LIMD2: variants seen among roughly 807,000 people sequenced by gnomAD.
The protein encoded by LIMD2 is LIM domain containing 2.
Under a neutral mutation model 16.0 loss-of-function variants are expected in LIMD2, and 11 were observed. That is an observed-to-expected ratio of 0.69 (90% CI 0.43 to 1.14). The LOEUF is 1.14. Among genes scored for constraint, LIMD2 ranks in the 50% most tolerant of loss-of-function variants. The pLI is 0.00. For synonymous variants in LIMD2, 60 were observed against 67.1 expected, an observed-to-expected ratio of 0.89 and a Z score of 0.52; for missense variants, 168 against 165.8, an observed-to-expected ratio of 1.01 and a Z score of -0.07.
At position 63,699,837 on chromosome 17, in the gene LIMD2, G is replaced by A. The variant is rs916461861; in HGVS notation, c.-51+195C>T. The A allele has an allele frequency of 2.0e-5, 20 of 976,900 alleles. No individual in the cohort carries two copies. The African/African-American group carries it at 3.6e-4, about 18-fold the overall frequency. 60.5% of individuals were successfully genotyped at this position (976,900 alleles called of 1,614,324 possible). ...CGAGGACCGGACCCCAGACCCCGACGCCGCGAGCCCCGCCAGCGGGTCTCG... is the reference window on the plus strand; with the variant it reads ...CGAGGACCGGACCCCAGACCCCGACACCGCGAGCCCCGCCAGCGGGTCTCG... On this transcript the variant is annotated intron_variant, in intron 1 of 4. Transcript: ENST00000259006.
Position 63,699,333 on chromosome 17 carries a change from C to A in LIMD2, c.-35G>T. 6.3e-7 allele frequency: 1 copy of A among 1,589,370 alleles called. No homozygotes were observed. Among genetic ancestry groups the A allele is most frequent in the South Asian group, 1.1e-5 (1 of 87,928 alleles). ...GAGGTGGAAGCCTCGGGTGGAGAAGCGGCACCCGCTGGGTTCTGCAAGGGG... is the reference window on the plus strand; with the variant it reads ...GAGGTGGAAGCCTCGGGTGGAGAAGAGGCACCCGCTGGGTTCTGCAAGGGG... On this transcript the variant is annotated 5_prime_UTR_variant, in exon 2 of 5. Transcript: ENST00000259006.
At chr17:63,699,512 A>T in intron 1 of LIMD2, 164 bp from the exon 2 acceptor site, 1 of 595,764 alleles carries the variant, frequency 1.7e-6, no homozygotes, top group East Asian at 3.4e-5. Context: ...CACCTCCCCC[A>T]CCCCTGCTCC....
rs1191957603 is a variant in LIMD2 at position 63,700,098 on chromosome 17, G to C, written c.-117C>G. 1.0e-6 allele frequency: 1 copy of C among 984,690 alleles called. No individual in the cohort carries two copies. Among genetic ancestry groups the C allele is most frequent in the East Asian group, 1.1e-4 (1 of 8,714 alleles). 61.0% of individuals were successfully genotyped at this position (984,690 alleles called of 1,614,324 possible). A position where few individuals can be genotyped will look rare whatever the true frequency, so the allele number is the denominator to read the frequency against. On this transcript the variant is annotated 5_prime_UTR_variant, in exon 1 of 5. Transcript: ENST00000259006. This position sits in a 1 kb window ranked among gnomAD's most constrained non-coding sequence, Gnocchi z 7.1. The stretch of plus-strand genomic sequence containing the variant: ...GCGCACGGGTACGAGGAGGGCGCGG[G>C]CGCGAGCTGCTGCCGCTACCAGTGG...
In LIMD2 at chr17:63,700,122, G is replaced by T. The variant is rs944406977; in HGVS notation, c.-141C>A. ...GGCGCGAGCTGCTGCCGCTACCAGT[G>T]GTCCCCGAGCCACCGCCGCCGCCAC... On this transcript the variant is annotated 5_prime_UTR_variant, in exon 1 of 5. Transcript: ENST00000259006. The surrounding 1 kb of genome is among the most constrained non-coding windows in gnomAD (Gnocchi z 7.1). 2 of 984,742 alleles carry T rather than the reference G, an allele frequency of 2.0e-6. No individual in the cohort carries two copies. The highest frequency in any genetic ancestry group is 3.5e-5 in the African/African-American group (2 of 57,000). The allele number at this position is 984,742 out of a possible 1,614,324, so 61.0% of individuals were successfully genotyped here.
Position 63,696,699 on chromosome 17 carries a change from CCT to C in LIMD2, c.*1851_*1852del, listed in dbSNP as rs1187839149. 1 of 152,248 alleles carries C rather than the reference CCT, an allele frequency of 6.6e-6. No homozygotes were observed. Among genetic ancestry groups the C allele is most frequent in the Non-Finnish European group, 1.5e-5 (1 of 68,074 alleles). The allele number at this position is 152,248 out of a possible 1,614,324, so 9.4% of individuals were successfully genotyped here. A position where few individuals can be genotyped will look rare whatever the true frequency, so the allele number is the denominator to read the frequency against. On this transcript the variant is annotated 3_prime_UTR_variant, in exon 5 of 5. Transcript: ENST00000259006. Reference sequence around the variant, plus strand: ...AGGGGTCAGGTGTCTCCAAGAGCCACCTCTCCAGTACCCCCTTGTGGTCATCT... The same window carrying C: ...AGGGGTCAGGTGTCTCCAAGAGCCACCTCCAGTACCCCCTTGTGGTCATCT...
chr17:63,699,267 G>A lies in LIMD2; in HGVS notation c.32C>T (p.Thr11Ile). 1 of 1,611,574 alleles carries A rather than the reference G, an allele frequency of 6.2e-7. No individual in the cohort carries two copies. The highest frequency in any genetic ancestry group is 1.7e-4 in the Middle Eastern group (1 of 6,046). Residue 11 changes from threonine (T) to isoleucine (I), a missense_variant, in exon 2 of 5, where the codon ACC (threonine) becomes ATC (isoleucine). Thr to Ile is a moderately conservative substitution (Grantham distance 89, BLOSUM62 -1). Coordinates refer to ENST00000259006, the MANE Select transcript of LIMD2 (RefSeq NM_030576.4). MFQAAGAAQA[T>I]PSHDAKGGGS... Reference sequence around the variant, plus strand: ...CAGCCGGGCACTTACATGAGAGGGGGTGGCCTGGGCGGCTCCTGCAGCCTG... The same window carrying A: ...CAGCCGGGCACTTACATGAGAGGGGATGGCCTGGGCGGCTCCTGCAGCCTG...
At chr17:63,700,134 ACCG>A, upstream of LIMD2, 1 of 981,566 alleles carries the variant, frequency 1.0e-6, no homozygotes, top group Non-Finnish European at 1.2e-6. This position sits in a 1 kb window ranked among gnomAD's most constrained non-coding sequence, Gnocchi z 7.1. Flanking sequence ...TCCCCGAGCC[ACCG>A]CCGCCGCCAC....
chr17:63,699,693 C>T, intron 1 of LIMD2: 1 of 381,528 alleles, frequency 2.6e-6, no homozygotes, highest in Non-Finnish European at 3.6e-6. Flanking sequence ...CTGCCCCGAC[C>T]TGACCCCGGC....
Position 63,698,886 on chromosome 17 carries a change from G to A in LIMD2, c.137C>T (p.Thr46Ile). Residue 46 changes from threonine to isoleucine, a missense_variant, in exon 4 of 5, where the codon ACC (threonine) becomes ATC (isoleucine). Transcript: ENST00000259006. Reference sequence around the variant, plus strand: ...CACCAGCCGCTCCATGGGGTACACGGTCTTCTGGCAGGCGGCGCAGGTCTC... The same window carrying A: ...CACCAGCCGCTCCATGGGGTACACGATCTTCTGGCAGGCGGCGCAGGTCTC... ...VKETCAACQK[T>I]VYPMERLVAD... 1.2e-6 allele frequency: 2 copies of A among 1,613,006 alleles called. No homozygotes were observed. The highest frequency in any genetic ancestry group is 8.5e-7 in the Non-Finnish European group (1 of 1,179,934).
rs572440886 is a variant in LIMD2 at position 63,698,392 on chromosome 17, G to A, written c.*160C>T. On this transcript the variant is annotated 3_prime_UTR_variant, in exon 5 of 5. Coordinates refer to ENST00000259006, the MANE Select transcript of LIMD2 (RefSeq NM_030576.4). ...CACCGGCTGCGGGAGAAGGAAGAAG[G>A]AAGGAGTCCTGGAGCAGAGCCCTGC... The A allele has an allele frequency of 4.9e-5, 40 of 813,716 alleles. 1 individual carries two copies. In the South Asian group the frequency reaches 6.7e-4, roughly 14 times the overall value. The allele number at this position is 813,716 out of a possible 1,614,324, so 50.4% of individuals were successfully genotyped here. A position where few individuals can be genotyped will look rare whatever the true frequency, so the allele number is the denominator to read the frequency against.
chr17:63,698,638 C>A lies in LIMD2; in HGVS notation c.298G>T (p.Gly100Cys), dbSNP rs1422029961. 6.2e-7 allele frequency: 1 copy of A among 1,613,904 alleles called. No homozygotes were observed. Among genetic ancestry groups the A allele is most frequent in the South Asian group, 1.1e-5 (1 of 91,082 alleles). ...CGGCCAAACCCCTCGTCGTAGTTGC[C>A]TTTGCTCTTAAACAGCTGCTGGAAG... ...PHFQQLFKSK[G>C]NYDEGFGRKQ... Residue 100 changes from glycine (G) to cysteine (C), a missense_variant, in exon 5 of 5, where the codon GGC becomes TGC. Gly to Cys is a radical substitution (Grantham distance 159). Coordinates refer to ENST00000259006, the MANE Select transcript of LIMD2 (RefSeq NM_030576.4).
At chr17:63,700,383 G>T, upstream of LIMD2, 1 of 158,532 alleles carries the variant, frequency 6.3e-6, no homozygotes, top group Non-Finnish European at 1.3e-5. This position sits in a 1 kb window ranked among gnomAD's most constrained non-coding sequence, Gnocchi z 7.1. Context: ...CGCGCCGTCT[G>T]CCCATCCCGA....
At chr17:63,698,738 G>C in intron 4 of LIMD2, 27 bp from the exon 5 acceptor site, 1 of 1,612,518 alleles carries the variant, frequency 6.2e-7, no homozygotes, top group South Asian at 1.1e-5. Flanking sequence ...ACGGCGTCAG[G>C]TCAGGTCAGG....
At position 63,698,729 on chromosome 17, in the gene LIMD2, CG is replaced by C. The variant is rs1220910110; in HGVS notation, c.225-19del. On this transcript the variant is annotated intron_variant, in intron 4 of 4. Coordinates refer to ENST00000259006, the MANE Select transcript of LIMD2 (RefSeq NM_030576.4). ...TGCCCAGGCTGCAGAAGCCAAACAA[CG>C]GCGTCAGGTCAGGTCAGGTCGGGGC... 6.3e-7 allele frequency: 1 copy of C among 1,592,022 alleles called. No homozygotes were observed. Among genetic ancestry groups the C allele is most frequent in the African/African-American group, 1.4e-5 (1 of 73,892 alleles).
rs2035717506 is a variant in LIMD2 at position 63,698,003 on chromosome 17, CTGCCTTG to C, written c.*542_*548del. 6.4e-6 allele frequency: 1 copy of C among 156,108 alleles called. No individual in the cohort carries two copies. Among genetic ancestry groups the C allele is most frequent in the African/African-American group, 2.4e-5 (1 of 41,478 alleles). The allele number at this position is 156,108 out of a possible 1,614,324, so 9.7% of individuals were successfully genotyped here. ...GTCCCAAGCCCCACTGGGGCAGGCC[CTGCCTTG>C]CCCTGCAGAGGCAGGGTGGCTCCAC... On this transcript the variant is annotated 3_prime_UTR_variant, in exon 5 of 5. Transcript: ENST00000259006.
At chr17:63,701,106 C>T (rs1052897942), upstream of LIMD2, 4 of 152,300 alleles carry the variant, frequency 2.6e-5, no homozygotes, top group Admixed American at 2.6e-4. Context: ...GACGGCCACT[C>T]GCTTTGGAGC....
At chr17:63,699,120 C>A in intron 2 of LIMD2, 51 bp from the exon 3 acceptor site, 1 of 1,577,438 alleles carries the variant, frequency 6.3e-7, no homozygotes. Context: ...GGCCCTGGAT[C>A]AGGGCTGCAG....
chr17:63,699,985 C>T, intron 1 of LIMD2, 47 bp downstream of exon 1: 1 of 983,994 alleles, frequency 1.0e-6, no homozygotes, highest in Non-Finnish European at 1.2e-6. Flanking sequence ...CTCGGCGCCT[C>T]TCCCGGTTCC....
rs1014267337 is a variant in LIMD2 at position 63,696,923 on chromosome 17, C to T, written c.*1629G>A. On this transcript the variant is annotated 3_prime_UTR_variant, in exon 5 of 5. Coordinates refer to ENST00000259006, the MANE Select transcript of LIMD2 (RefSeq NM_030576.4). ...CCTCAGCATAGTGACTTATGTGACA[C>T]TGGAGCCTGTGGCCCAGCTCCCTGC... The T allele has an allele frequency of 6.6e-6, 1 of 152,278 alleles. No homozygotes were observed. Among genetic ancestry groups the T allele is most frequent in the Non-Finnish European group, 1.5e-5 (1 of 68,070 alleles). The allele number at this position is 152,278 out of a possible 1,614,324, so 9.4% of individuals were successfully genotyped here. A position where few individuals can be genotyped will look rare whatever the true frequency, so the allele number is the denominator to read the frequency against.
Sources: gnomAD v4.1 joint callset for allele counts on GRCh38, gnomAD v4.1.1 for gene constraint, Gnocchi (gnomAD v3.1) non-coding constraint, MANE v1.5 for transcripts, NCBI Gene and HGNC (gene_info 2026-07-23, HGNC 2026-07-21) for gene names.